Variants in ERC1 observed in about 807,000 individuals in gnomAD.
ERC1 encodes ELKS/RAB6-interacting/CAST family member 1.
ERC1 carries 56 observed loss-of-function variants against 132.0 expected under a neutral mutation model. That is an observed-to-expected ratio of 0.42 (90% CI 0.34 to 0.53). The LOEUF (loss-of-function observed/expected upper bound fraction) is 0.53, where lower values mean the gene tolerates loss of function less well. Among genes scored for constraint, ERC1 ranks in the 20% least tolerant of loss-of-function variants. ERC1 has a pLI of 0.03. For missense variants in ERC1, 1,202 were observed against 1,349.9 expected (o/e 0.89, Z 1.72); for synonymous variants, 478 against 476.1 (o/e 1.00, Z -0.05).
At chr12:1,344,385 C>T (rs1044577777) in intron 15 of ERC1, among the ~76,000 whole-genome samples, 2 of 152,094 alleles carry the variant, frequency 1.3e-5, no homozygotes, top group African/African-American at 2.4e-5. Flanking sequence ...GGGGTTTTAA[C>T]ACAGTGTTCT....
At chr12:1,392,205 C>T (rs572488626) in intron 16 of ERC1, among the ~76,000 whole-genome samples, 3 of 152,170 alleles carry the variant, frequency 2.0e-5, no homozygotes, top group African/African-American at 7.2e-5. Context: ...AACGTCATGG[C>T]TGGGGGATTC....
At position 1,495,836 on chromosome 12, in the gene ERC1, A is replaced by C. The variant is rs1191091428; in HGVS notation, c.*5606A>C. On this transcript the variant is annotated 3_prime_UTR_variant, in exon 19 of 19. Coordinates refer to ENST00000360905, the MANE Select transcript of ERC1 (RefSeq NM_178040.4). Reference sequence around the variant, plus strand: ...TTACAAAGAAATTGTGTTATATTCAACTTTGCCTTGATAATTATTGTAAAC... The same window carrying C: ...TTACAAAGAAATTGTGTTATATTCACCTTTGCCTTGATAATTATTGTAAAC... The C allele has an allele frequency of 1.9e-5, 4 of 205,540 alleles. No individual in the cohort carries two copies. The highest frequency in any genetic ancestry group is 3.0e-5 in the Non-Finnish European group (3 of 100,600). The allele number at this position is 205,540 out of a possible 1,614,324, so 12.7% of individuals were successfully genotyped here. A position where few individuals can be genotyped will look rare whatever the true frequency, so the allele number is the denominator to read the frequency against.
At chr12:1,005,452 C>T (rs940993506) in intron 1 of ERC1, among the ~76,000 whole-genome samples, 7 of 152,124 alleles carry the variant, frequency 4.6e-5, no homozygotes, top group African/African-American at 1.7e-4. Context: ...CTTTTCTAAA[C>T]TTTTATATGA....
intron 15 of ERC1, among the ~76,000 whole-genome samples, chr12:1,361,300 C>G (rs2086089806): frequency 6.6e-6 from 1 of 151,010 alleles, no homozygotes; most frequent in Non-Finnish European, 1.5e-5. Context: ...GGAGATATAC[C>G]TAATGCTAAA....
rs537817874 is a variant in ERC1 at position 1,226,278 on chromosome 12, G to A, written c.2352-10491G>A. On this transcript the variant is annotated intron_variant, in intron 12 of 18. Transcript: ENST00000360905. ...ATTTTATCTTGAATAATTTTTCCCA[G>A]CTTTATTGAGCTATAAATTGATAAA... Among the ~76,000 whole-genome samples the A allele has an allele frequency of 2.0e-5, 3 of 152,202 alleles. No homozygotes were observed. The East Asian group carries it at 5.8e-4, about 29-fold the overall frequency.
intron 2 of ERC1, among the ~76,000 whole-genome samples, chr12:1,061,666 A>G (rs1404012031): frequency 6.6e-6 from 1 of 152,092 alleles, no homozygotes; most frequent in Middle Eastern, 3.4e-3. Context: ...TTGATGTTTT[A>G]TATGTGTCTC....
chr12:1,279,853 GC>G (rs1488240912), intron 14 of ERC1, among the ~76,000 whole-genome samples: 1 of 151,938 alleles, frequency 6.6e-6, no homozygotes, highest in African/African-American at 2.4e-5. Context: ...GCGCCACCAT[GC>G]CCAGCTAATT....
At chr12:1,474,158 A>G (rs2093925017) in intron 18 of ERC1, among the ~76,000 whole-genome samples, 1 of 152,232 alleles carries the variant, frequency 6.6e-6, no homozygotes, top group African/African-American at 2.4e-5. Context: ...GTCAGCTCCA[A>G]AAGGCTCCGA....
chr12:1,141,582 T>C, intron 7 of ERC1, 38 bp from the exon 8 acceptor site: 1 of 1,540,156 alleles, frequency 6.5e-7, no homozygotes, highest in Non-Finnish European at 8.8e-7. Flanking sequence ...CATTCTTTTC[T>C]TTTTAATTCA....
intron 8 of ERC1, among the ~76,000 whole-genome samples, chr12:1,147,622 G>A (rs536751623): frequency 7.2e-5 from 11 of 152,260 alleles, no homozygotes; most frequent in Non-Finnish European, 1.3e-4. Context: ...TTAATAATGC[G>A]TAAGCCTTTT....
At chr12:1,310,842 G>A (rs2081254484) in intron 15 of ERC1, among the ~76,000 whole-genome samples, 1 of 152,264 alleles carries the variant, frequency 6.6e-6, no homozygotes, top group Non-Finnish European at 1.5e-5. Flanking sequence ...AGCTTCACTA[G>A]TATATCACTC....
In ERC1 at chr12:1,320,923, G is replaced by T. The variant is rs543681298; in HGVS notation, c.2780+30911G>T. Among the ~76,000 whole-genome samples the T allele has an allele frequency of 2.6e-5, 4 of 152,254 alleles. 1 individual carries two copies. Among genetic ancestry groups the T allele is most frequent in the African/African-American group, 9.6e-5 (4 of 41,550 alleles). ...TCACCGTGTTAGCCAGGATGGTCTT[G>T]ATCTCCTGACCTCGTGATCCGCCTG... On this transcript the variant is annotated intron_variant, in intron 15 of 18. Coordinates refer to ENST00000360905, the MANE Select transcript of ERC1 (RefSeq NM_178040.4).
intron 16 of ERC1, among the ~76,000 whole-genome samples, chr12:1,376,792 C>T (rs2087974046): frequency 6.6e-6 from 1 of 152,296 alleles, no homozygotes; most frequent in Admixed American, 6.5e-5. Flanking sequence ...CCCTGAGACA[C>T]AGAAAAGGGG....
At chr12:1,418,609 T>TC (rs2092256341) in intron 17 of ERC1, among the ~76,000 whole-genome samples, 2 of 99,044 alleles carry the variant, frequency 2.0e-5, no homozygotes, top group African/African-American at 1.2e-4. Context: ...CTTTCTTTCT[T>TC]TCTTTCTTTC....
rs2090981093 is a variant in ERC1, at chr12:1,400,916, A to ATTATTATTTTTTT, written c.2926-7231_2926-7230insATTATTTTTTTTT. ...TCAATATTGTTTTGGCTATTTTTGT[A>ATTATTATTTTTTT]TTTTTTTTTTTTTTTTTTTTTTTTT... is the stretch of plus-strand genomic sequence containing the variant. On this transcript the variant is annotated intron_variant, in intron 16 of 18. Coordinates refer to ENST00000360905, the MANE Select transcript of ERC1 (RefSeq NM_178040.4). Among the ~76,000 whole-genome samples, 15 of 15,058 alleles carry ATTATTATTTTTTT rather than the reference A, an allele frequency of 1.0e-3. 2 individuals carry two copies. The highest frequency in any genetic ancestry group is 3.4e-3 in the African/African-American group (11 of 3,244). 9.9% of individuals were successfully genotyped at this position (15,058 alleles called of 152,430 possible). A position where few individuals can be genotyped will look rare whatever the true frequency, so the allele number is the denominator to read the frequency against.
chr12:1,274,457 C>G (rs1056053471), intron 14 of ERC1, among the ~76,000 whole-genome samples: 19 of 150,252 alleles, frequency 1.3e-4, no homozygotes, highest in African/African-American at 4.5e-4. Context: ...GGGAAAGCAT[C>G]TCGTCTATTT....
intron 9 of ERC1, among the ~76,000 whole-genome samples, 186 bp from the exon 10 acceptor site, chr12:1,181,739 C>T (rs952457735): frequency 1.3e-5 from 2 of 150,692 alleles, no homozygotes; most frequent in African/African-American, 2.5e-5. Context: ...GCCGAGATCA[C>T]GCCATTACAC....
Position 1,062,190 on chromosome 12 carries a change from A to C in ERC1, c.670-20974A>C, listed in dbSNP as rs190370865. ...AGTAGAGACAGGGTTTCACCGTGTT[A>C]GCCAGGATGGTCTTGATCTCCAGAC... On this transcript the variant is annotated intron_variant, in intron 2 of 18. Transcript: ENST00000360905. Among the ~76,000 whole-genome samples the C allele has an allele frequency of 7.6e-4, 116 of 152,030 alleles. 2 individuals are homozygous for C. The East Asian group carries it at 0.019, about 25-fold the overall frequency.
At chr12:1,161,059 T>G (rs1418921378) in intron 8 of ERC1, among the ~76,000 whole-genome samples, 2 of 152,224 alleles carry the variant, frequency 1.3e-5, no homozygotes, top group Non-Finnish European at 2.9e-5. Flanking sequence ...GTCAAAATTA[T>G]GTTCTTGTGG....
Sources: allele counts gnomAD v4.1 joint callset (sites outside exome capture counted in the v4.1 genomes callset), GRCh38; gene constraint gnomAD v4.1.1; transcripts MANE v1.5; gene names NCBI Gene and HGNC (gene_info 2026-07-23, HGNC 2026-07-21).